Variants in TTLL11 observed in about 807,000 individuals in gnomAD.
The protein encoded by TTLL11 is tubulin tyrosine ligase like 11.
TTLL11 carries 42 observed loss-of-function variants against 51.7 expected under a neutral mutation model. That is an observed-to-expected ratio of 0.81 (90% CI 0.64 to 1.05). The LOEUF is 1.05. Ranked by LOEUF, TTLL11 falls within the 50% of genes least tolerant of loss-of-function variation. The pLI, the probability that TTLL11 is intolerant of heterozygous loss-of-function variation, is 0.00. For missense variants in TTLL11, 799 were observed against 940.4 expected (o/e 0.85, Z 1.97); for synonymous variants, 381 against 383.5 (o/e 0.99, Z 0.08).
Position 122,030,946 on chromosome 9 carries a change from C to T in TTLL11, c.693+777G>A, listed in dbSNP as rs59477936. ...ACAGAGCAACACTCCGTCTCAAAAA[C>T]ACAAAAATAAAAATAAATAAAATAT... On this transcript the variant is annotated intron_variant, in intron 3 of 8. Transcript: ENST00000321582. Among the ~76,000 whole-genome samples the T allele has an allele frequency of 3.1e-3, 472 of 152,070 alleles. 5 individuals are homozygous for T. Among genetic ancestry groups the T allele is most frequent in the African/African-American group, 0.011 (455 of 41,478 alleles).
chr9:122,067,808 A>G (rs1845628230), intron 1 of TTLL11, among the ~76,000 whole-genome samples: 1 of 152,178 alleles, frequency 6.6e-6, no homozygotes, highest in Non-Finnish European at 1.5e-5. Context: ...CAGCCTGAGC[A>G]AAAGGTTTTA....
chr9:121,947,174 C>A (rs1032725739), intron 6 of TTLL11, among the ~76,000 whole-genome samples: 1 of 152,122 alleles, frequency 6.6e-6, no homozygotes, highest in South Asian at 2.1e-4. Context: ...CATAAATATT[C>A]AGGAGTCTTT....
chr9:121,917,024 C>T (rs1202764612), intron 6 of TTLL11, among the ~76,000 whole-genome samples: 1 of 152,200 alleles, frequency 6.6e-6, no homozygotes, highest in Non-Finnish European at 1.5e-5. Context: ...AAGAGGCTGA[C>T]CCCAGTCCAA....
At chr9:121,863,706 C>T (rs547525267) in intron 7 of TTLL11, among the ~76,000 whole-genome samples, 22 of 152,344 alleles carry the variant, frequency 1.4e-4, no homozygotes, top group African/African-American at 5.3e-4. Flanking sequence ...ATTTCTTGGG[C>T]ACTATCTGTA....
At chr9:121,951,887 C>A (rs1199974636) in intron 6 of TTLL11, among the ~76,000 whole-genome samples, 1 of 152,138 alleles carries the variant, frequency 6.6e-6, no homozygotes, top group Non-Finnish European at 1.5e-5. Flanking sequence ...CATGTCTCCC[C>A]TTTTTAGACC....
At chr9:121,967,487 T>C (rs947085156) in intron 6 of TTLL11, among the ~76,000 whole-genome samples, 5 of 152,088 alleles carry the variant, frequency 3.3e-5, no homozygotes, top group Admixed American at 2.6e-4. Context: ...CCTCCCAAGG[T>C]TCTGGGATTA....
intron 4 of TTLL11, among the ~76,000 whole-genome samples, chr9:121,979,441 C>T (rs1842782386): frequency 6.6e-6 from 1 of 152,214 alleles, no homozygotes. Flanking sequence ...ATTTGCTACA[C>T]AGCAATAGAT....
At chr9:121,858,411 A>G (rs1837893770) in intron 8 of TTLL11, among the ~76,000 whole-genome samples, 1 of 152,186 alleles carries the variant, frequency 6.6e-6, no homozygotes, top group South Asian at 2.1e-4. Flanking sequence ...AATGGAGATA[A>G]TCATATCTAC....
At chr9:121,930,218 C>T (rs763465134) in intron 6 of TTLL11, among the ~76,000 whole-genome samples, 58 of 152,088 alleles carry the variant, frequency 3.8e-4, no homozygotes, top group African/African-American at 1.0e-3. Context: ...CTGGCTGCAT[C>T]GGAAAAAGAC....
At chr9:121,919,268 A>G (rs767998707) in intron 6 of TTLL11, among the ~76,000 whole-genome samples, 12 of 152,220 alleles carry the variant, frequency 7.9e-5, no homozygotes, top group African/African-American at 1.2e-4. Flanking sequence ...AGATGGCAAT[A>G]TAACTTCAGG....
intron 7 of TTLL11, among the ~76,000 whole-genome samples, chr9:121,864,733 A>G (rs6478538): frequency 0.73 from 111,314 of 152,060 alleles, 41,361 homozygotes; most frequent in East Asian, 0.9. Flanking sequence ...TTTGTTTTCC[A>G]GAATCAAAGG....
At chr9:121,910,930 C>T (rs1028147951) in intron 6 of TTLL11, among the ~76,000 whole-genome samples, 12 of 152,014 alleles carry the variant, frequency 7.9e-5, no homozygotes, top group South Asian at 2.1e-4. Context: ...ATAAGAGAGC[C>T]AGGAATAGTC....
Position 121,989,794 on chromosome 9 carries a change from C to T in TTLL11, c.694-24G>A, listed in dbSNP as rs763613420. On this transcript the variant is annotated intron_variant, in intron 3 of 8. Transcript: ENST00000321582. The surrounding 1 kb of genome is among the most constrained non-coding windows in gnomAD (Gnocchi z 4.2). ...ACCTGGAGGGGGAAAAAAGGATGGCCGACATTATATTGTTTTCCCTCTGGA... is the reference window on the plus strand; with the variant it reads ...ACCTGGAGGGGGAAAAAAGGATGGCTGACATTATATTGTTTTCCCTCTGGA... The T allele has an allele frequency of 3.2e-6, 5 of 1,567,070 alleles. No individual in the cohort carries two copies. The South Asian group carries it at 3.7e-5, about 11-fold the overall frequency.
In TTLL11 at chr9:121,861,501, T is replaced by A. The variant is rs549581967; in HGVS notation, c.1734-1058A>T. ...ATAAAACAGGTGGTCTTTATTATAG[T>A]CATTGTGTGTCAGCCTGACCTTGCA... On this transcript the variant is annotated intron_variant, in intron 7 of 8. Transcript: ENST00000321582. Among the ~76,000 whole-genome samples, 10 of 152,316 alleles carry A rather than the reference T, an allele frequency of 6.6e-5. No homozygotes were observed. The East Asian group carries it at 1.9e-3, about 29-fold the overall frequency.
intron 3 of TTLL11, among the ~76,000 whole-genome samples, chr9:121,990,353 T>C (rs1368189443): frequency 1.3e-5 from 2 of 152,114 alleles, no homozygotes; most frequent in Non-Finnish European, 2.9e-5. Context: ...ATCTGTGAAA[T>C]AGGAGAAAGG....
intron 7 of TTLL11, among the ~76,000 whole-genome samples, chr9:121,868,262 T>TG (rs1838241590): frequency 6.6e-6 from 1 of 152,190 alleles, no homozygotes; most frequent in South Asian, 2.1e-4. Flanking sequence ...GTCACTAAGC[T>TG]GCTTTCTTAT....
chr9:122,077,607 G>C (rs1845894785), intron 1 of TTLL11, among the ~76,000 whole-genome samples: 1 of 151,412 alleles, frequency 6.6e-6, no homozygotes, highest in African/African-American at 2.4e-5. Flanking sequence ...CAAAAATCAG[G>C]GCTATAAAAT....
At chr9:122,089,860 C>T (rs1163394050) in intron 1 of TTLL11, among the ~76,000 whole-genome samples, 1 of 152,158 alleles carries the variant, frequency 6.6e-6, no homozygotes, top group Non-Finnish European at 1.5e-5. Context: ...ACAATCATAG[C>T]TCACTGCATC....
intron 4 of TTLL11, 120 bp from the exon 5 acceptor site, chr9:121,975,099 G>A (rs1842669939): frequency 6.2e-6 from 4 of 647,312 alleles, no homozygotes; most frequent in Non-Finnish European, 7.3e-6. Context: ...GGCTTCTCTT[G>A]TCCACAGCCC....
Sources: gnomAD v4.1 joint callset for allele counts (sites outside exome capture counted in the v4.1 genomes callset) on GRCh38, gnomAD v4.1.1 for gene constraint, Gnocchi (gnomAD v3.1) non-coding constraint, MANE v1.5 for transcripts, NCBI Gene and HGNC (gene_info 2026-07-23, HGNC 2026-07-21) for gene names.